HOOK3: variants seen among roughly 807,000 people sequenced by gnomAD.
The protein encoded by HOOK3 is protein Hook homolog 3.
HOOK3 carries 24 observed loss-of-function variants against 116.3 expected under a neutral mutation model. That is an observed-to-expected ratio of 0.21 (90% CI 0.15 to 0.29). The LOEUF (loss-of-function observed/expected upper bound fraction) is 0.29. Ranked by LOEUF, HOOK3 falls within the 10% of genes least tolerant of loss-of-function variation. The probability of loss-of-function intolerance (pLI) is 1.00; values close to 1 mark genes in which losing one functional copy is unlikely to be tolerated. For synonymous variants in HOOK3, 275 were observed against 283.0 expected (o/e 0.97, Z 0.28); for missense variants, 632 against 830.2 (o/e 0.76, Z 2.93).
intron 15 of HOOK3, among the ~76,000 whole-genome samples, chr8:42,987,271 A>G (rs1193609064): frequency 3.9e-5 from 6 of 152,204 alleles, no homozygotes; most frequent in African/African-American, 1.2e-4. Flanking sequence ...CCGTTTCTCC[A>G]CTTTTGGGCA....
intron 6 of HOOK3, among the ~76,000 whole-genome samples, chr8:42,956,326 A>G (rs1036166590): frequency 6.6e-6 from 1 of 151,768 alleles, no homozygotes; most frequent in African/African-American, 2.4e-5. Context: ...TTTATTCTTT[A>G]GAAATAAATA....
chr8:42,997,035 T>C (rs1241111066), intron 15 of HOOK3, among the ~76,000 whole-genome samples: 8 of 150,952 alleles, frequency 5.3e-5, no homozygotes, highest in Non-Finnish European at 1.5e-5. Context: ...TCCCCACAAG[T>C]AGCTGGGACT....
chr8:43,018,911 T>G lies in HOOK3; in HGVS notation c.*413T>G, dbSNP rs574948513. 1.8e-4 allele frequency: 40 copies of G among 223,556 alleles called. No individual in the cohort carries two copies. Among genetic ancestry groups the G allele is most frequent in the East Asian group, 6.7e-5 (1 of 14,902 alleles). 13.8% of individuals were successfully genotyped at this position (223,556 alleles called of 1,614,324 possible). ...TGTCTTTGTTTAAAGGGAATTAATC[T>G]TTTTATGATGTATTAATCTGTGTTT... is the stretch of plus-strand genomic sequence containing the variant. On this transcript the variant is annotated 3_prime_UTR_variant, in exon 22 of 22. Transcript: ENST00000307602.
rs781366030 is a variant in HOOK3, at chr8:42,957,171, A to G, written c.531+15A>G. 8.0e-6 allele frequency: 12 copies of G among 1,502,668 alleles called. No homozygotes were observed. The highest frequency in any genetic ancestry group is 6.2e-5 in the South Asian group (5 of 80,328). The allele number at this position is 1,502,668 out of a possible 1,614,324, so 93.1% of individuals were successfully genotyped here. On this transcript the variant is annotated intron_variant, in intron 7 of 21. Transcript: ENST00000307602. ...TTGATCGTCAGGTATATAATTTTAC[A>G]TTGTTTTTATTCATGAAAAGGTTGA...
intron 1 of HOOK3, among the ~76,000 whole-genome samples, chr8:42,903,338 C>CTTTTTTTTTTTTTTT (rs1164136399): frequency 1.1e-5 from 1 of 87,608 alleles, no homozygotes; most frequent in African/African-American, 4.7e-5. Flanking sequence ...TAATAGTTGT[C>CTTTTTTTTTTTTTTT]TTTTTTTTTT....
At chr8:42,960,761 C>G (rs1183403292) in intron 8 of HOOK3, among the ~76,000 whole-genome samples, 2 of 152,176 alleles carry the variant, frequency 1.3e-5, no homozygotes, top group East Asian at 3.9e-4. Context: ...TGAAGTAGGT[C>G]TAAAGTAGGT....
At chr8:42,960,019 A>T (rs1251292174) in intron 8 of HOOK3, among the ~76,000 whole-genome samples, 1 of 152,222 alleles carries the variant, frequency 6.6e-6, no homozygotes, top group Non-Finnish European at 1.5e-5. Flanking sequence ...TTGTTGGGTT[A>T]TCTAGGAAAT....
At chr8:43,008,809 G>T (rs1317636240) in intron 18 of HOOK3, among the ~76,000 whole-genome samples, 1 of 149,150 alleles carries the variant, frequency 6.7e-6, no homozygotes, top group East Asian at 2.0e-4. Context: ...ACAGGCGCCC[G>T]CCACTACGCC....
intron 1 of HOOK3, among the ~76,000 whole-genome samples, chr8:42,904,511 CTG>C (rs957338363): frequency 1.6e-4 from 24 of 151,982 alleles, no homozygotes; most frequent in African/African-American, 7.3e-5. Context: ...CAGGATTTCA[CTG>C]TGTTAGTCAG....
intron 10 of HOOK3, among the ~76,000 whole-genome samples, chr8:42,967,078 A>G (rs899637062): frequency 5.9e-5 from 9 of 151,802 alleles, no homozygotes; most frequent in Non-Finnish European, 1.3e-4. Flanking sequence ...GATTATCTCA[A>G]CCATCTACAT....
intron 15 of HOOK3, among the ~76,000 whole-genome samples, chr8:42,987,101 G>A (rs1244204189): frequency 6.6e-6 from 1 of 152,288 alleles, no homozygotes; most frequent in East Asian, 1.9e-4. Flanking sequence ...GGCAGAGGTT[G>A]CAGTGAGCCA....
chr8:42,982,719 A>G (rs755860346), intron 14 of HOOK3, 23 bp downstream of exon 14: 1 of 1,460,290 alleles, frequency 6.8e-7, no homozygotes, highest in Non-Finnish European at 9.6e-7. Context: ...TGGTGTTCAC[A>G]CTTACACTGC....
intron 14 of HOOK3, 110 bp downstream of exon 14, chr8:42,982,806 C>A: frequency 2.8e-6 from 2 of 714,394 alleles, no homozygotes; most frequent in South Asian, 1.8e-5. Context: ...CCGACACTTT[C>A]AACATGAACT....
rs1808662207 is a variant in HOOK3, at chr8:42,968,000, C to T, written c.921-13C>T. ...TGTGTTTCTGATTTTTTTAATTTCCCATCTAATTCTAGACATTCTTCTGAT... is the reference window on the plus strand; with the variant it reads ...TGTGTTTCTGATTTTTTTAATTTCCTATCTAATTCTAGACATTCTTCTGAT... On this transcript the variant is annotated splice_polypyrimidine_tract_variant and intron_variant, in intron 10 of 21. Transcript: ENST00000307602. 7.0e-7 allele frequency: 1 copy of T among 1,421,426 alleles called. No individual in the cohort carries two copies. 88.1% of individuals were successfully genotyped at this position (1,421,426 alleles called of 1,614,324 possible).
At chr8:42,989,790 G>A (rs983979887) in intron 15 of HOOK3, among the ~76,000 whole-genome samples, 6 of 152,010 alleles carry the variant, frequency 3.9e-5, no homozygotes, top group Non-Finnish European at 7.4e-5. Context: ...AGCTCCATGA[G>A]TTTAATTTTT....
At chr8:42,968,240 A>T in intron 11 of HOOK3, 26 bp downstream of exon 11, 3 of 1,548,678 alleles carry the variant, frequency 1.9e-6, no homozygotes, top group Non-Finnish European at 2.7e-6. Context: ...CATCTTGATG[A>T]TGGTTTCAGG....
rs533298212 is a variant in HOOK3 at position 42,958,869 on chromosome 8, A to G, written c.532-362A>G. Among the ~76,000 whole-genome samples, 7 of 152,236 alleles carry G rather than the reference A, an allele frequency of 4.6e-5. No homozygotes were observed. The South Asian group carries it at 1.5e-3, about 32-fold the overall frequency. On this transcript the variant is annotated intron_variant, in intron 7 of 21. Coordinates refer to ENST00000307602, the MANE Select transcript of HOOK3 (RefSeq NM_032410.4). ...TTGAAATGTTCTAGCTGCATATTTT[A>G]ACAATTAAAATCCCTATTCCCCTAG...
chr8:43,006,240 T>C (rs1809486315), intron 17 of HOOK3, among the ~76,000 whole-genome samples: 1 of 143,986 alleles, frequency 6.9e-6, no homozygotes, highest in African/African-American at 2.6e-5. Flanking sequence ...CAGGATGGTC[T>C]TGTTCTCCTG....
At chr8:42,981,815 CAG>C (rs557681654) in intron 13 of HOOK3, among the ~76,000 whole-genome samples, 1 of 145,378 alleles carries the variant, frequency 6.9e-6, no homozygotes, top group Non-Finnish European at 1.5e-5. Context: ...ACCCAGGAGA[CAG>C]AGGTTGCAGT....
Sources: allele counts gnomAD v4.1 joint callset (sites outside exome capture counted in the v4.1 genomes callset), GRCh38; gene constraint gnomAD v4.1.1; transcripts MANE v1.5; gene names NCBI Gene and HGNC (gene_info 2026-07-23, HGNC 2026-07-21).